CXXC4: variants seen among roughly 807,000 people sequenced by gnomAD.
The protein encoded by CXXC4 is CXXC finger protein 4.
In CXXC4, 5 loss-of-function variants were observed where a neutral mutation model predicts 20.5. That is an observed-to-expected ratio of 0.24 (90% confidence interval 0.13 to 0.51). CXXC4 has a LOEUF of 0.51. Among genes scored for constraint, CXXC4 ranks in the 20% least tolerant of loss-of-function variants. CXXC4 has a pLI of 0.97. For missense variants in CXXC4, 419 were observed against 496.4 expected (o/e 0.84, Z 1.48); for synonymous variants, 250 against 216.4 (o/e 1.16, Z -1.36).
Position 104,484,612 on chromosome 4 carries a change from C to G in CXXC4, c.1059+6132G>C, listed in dbSNP as rs536652261. ...AAATTCAGCAGGCTTGATTTCATAC[C>G]TAGCTATGGATTCTTACGCTCTTAA... On this transcript the variant is annotated intron_variant, in intron 2 of 2. Transcript: ENST00000394767. 1.6e-4 allele frequency among the ~76,000 whole-genome samples: 25 copies of G among 152,004 alleles called. No homozygotes were observed. In the South Asian group the frequency reaches 5.2e-3, roughly 32 times the overall value.
In CXXC4 at chr4:104,489,646, G is replaced by A. The variant is rs138750554; in HGVS notation, c.1059+1098C>T. ...TAAATTTTATCGAGACTAACTATAA[G>A]TACTTGTCCAGATTTCTTTGTTTAA... On this transcript the variant is annotated intron_variant, in intron 2 of 2. Transcript: ENST00000394767. Among the ~76,000 whole-genome samples, 14 of 152,164 alleles carry A rather than the reference G, an allele frequency of 9.2e-5. No individual in the cohort carries two copies. In the East Asian group the frequency reaches 2.7e-3, roughly 29 times the overall value.
At chr4:104,493,059 C>G (rs867957021) in intron 1 of CXXC4, among the ~76,000 whole-genome samples, 1 of 144,058 alleles carries the variant, frequency 6.9e-6, no homozygotes, top group Non-Finnish European at 1.5e-5. Flanking sequence ...GGGGGGGGGG[C>G]TTTAACGTGT....
rs187968180 is a variant in CXXC4 at position 104,476,391 on chromosome 4, C to T, written c.1060-4025G>A. Among the ~76,000 whole-genome samples, 26 of 152,238 alleles carry T rather than the reference C, an allele frequency of 1.7e-4. No individual in the cohort carries two copies. In the East Asian group the frequency reaches 2.1e-3, roughly 12 times the overall value. ...CATCTACATATTCTTGTTAGAAATA[C>T]GTCAAGTCTAATAAAACATCAGCTC... On this transcript the variant is annotated intron_variant, in intron 2 of 2. Coordinates refer to ENST00000394767, the MANE Select transcript of CXXC4 (RefSeq NM_025212.4).
At chr4:104,477,758 T>C (rs1405870223) in intron 2 of CXXC4, among the ~76,000 whole-genome samples, 1 of 152,032 alleles carries the variant, frequency 6.6e-6, no homozygotes, top group African/African-American at 2.4e-5. Context: ...AATATAAGTA[T>C]ATACTTGTTT....
intron 2 of CXXC4, among the ~76,000 whole-genome samples, chr4:104,481,983 T>C (rs1180422180): frequency 6.6e-6 from 1 of 152,216 alleles, no homozygotes; most frequent in Non-Finnish European, 1.5e-5. Context: ...TGTTGCTAGA[T>C]TAATGTTTTT....
At chr4:104,492,797 G>A (rs1736930547) in intron 1 of CXXC4, among the ~76,000 whole-genome samples, 1 of 152,104 alleles carries the variant, frequency 6.6e-6, no homozygotes, top group Admixed American at 6.5e-5. Context: ...GTGGGTCTTG[G>A]TGGGGGTAAG....
At chr4:104,487,994 TCTGA>T (rs1387190172) in intron 2 of CXXC4, among the ~76,000 whole-genome samples, 1 of 152,114 alleles carries the variant, frequency 6.6e-6, no homozygotes, top group Non-Finnish European at 1.5e-5. Flanking sequence ...TGAAAAAAAA[TCTGA>T]CTATGTCTCC....
chr4:104,476,095 T>A, intron 2 of CXXC4, among the ~76,000 whole-genome samples: 1 of 152,134 alleles, frequency 6.6e-6, no homozygotes, highest in East Asian at 1.9e-4. Context: ...ACATTAAAAC[T>A]AAGGGAATTT....
rs1736901996 is a variant in CXXC4 at position 104,492,070 on chromosome 4, G to GA, written c.-257-12dup. The GA allele has an allele frequency of 3.1e-6, 1 of 319,796 alleles. No individual in the cohort carries two copies. The highest frequency in any genetic ancestry group is 5.7e-6 in the Non-Finnish European group (1 of 175,588). The allele number at this position is 319,796 out of a possible 1,614,324, so 19.8% of individuals were successfully genotyped here. A position where few individuals can be genotyped will look rare whatever the true frequency, so the allele number is the denominator to read the frequency against. ...CTCCAACTGTTACAACTAAAATAAA[G>GA]AAAGTCATTCCAACGAGCTGCACGA... On this transcript the variant is annotated splice_polypyrimidine_tract_variant and intron_variant, in intron 1 of 2. Transcript: ENST00000394767.
intron 2 of CXXC4, among the ~76,000 whole-genome samples, chr4:104,475,898 T>G (rs1736390989): frequency 6.6e-6 from 1 of 152,142 alleles, no homozygotes; most frequent in Non-Finnish European, 1.5e-5. Context: ...CAGCCTTCAC[T>G]GTTCATGCAG....
At chr4:104,478,096 A>G (rs1736461509) in intron 2 of CXXC4, among the ~76,000 whole-genome samples, 1 of 152,152 alleles carries the variant, frequency 6.6e-6, no homozygotes, top group African/African-American at 2.4e-5. Context: ...CCAAATTGAC[A>G]TTTGTGACCA....
intron 1 of CXXC4, among the ~76,000 whole-genome samples, chr4:104,493,877 C>G (rs1736971609): frequency 1.3e-5 from 2 of 152,228 alleles, no homozygotes; most frequent in Admixed American, 1.3e-4. Context: ...GTTATGTCAA[C>G]CATGCATTAG....
chr4:104,476,375 A>G (rs183689832), intron 2 of CXXC4, among the ~76,000 whole-genome samples: 5 of 152,312 alleles, frequency 3.3e-5, no homozygotes, highest in Admixed American at 1.3e-4. Flanking sequence ...GCATCTACAT[A>G]TTCTTGTTAG....
At chr4:104,478,440 T>C (rs757611132) in intron 2 of CXXC4, among the ~76,000 whole-genome samples, 2 of 151,914 alleles carry the variant, frequency 1.3e-5, no homozygotes, top group Non-Finnish European at 2.9e-5. Context: ...GGAGGTAAAA[T>C]GACAGATTAA....
At chr4:104,481,814 T>C (rs1035697295) in intron 2 of CXXC4, among the ~76,000 whole-genome samples, 7 of 152,176 alleles carry the variant, frequency 4.6e-5, no homozygotes, top group African/African-American at 1.7e-4. Flanking sequence ...TGCTAATTAA[T>C]ACCATATATT....
Position 104,470,106 on chromosome 4 carries a change from C to T in CXXC4, c.*2216G>A, listed in dbSNP as rs1377505234. 1 of 149,252 alleles carries T rather than the reference C, an allele frequency of 6.7e-6. No homozygotes were observed. The highest frequency in any genetic ancestry group is 1.5e-5 in the Non-Finnish European group (1 of 67,518). The allele number at this position is 149,252 out of a possible 1,614,324, so 9.2% of individuals were successfully genotyped here. ...ATTCAAGTGTGAAAGTAAGTTTTCACTTACTTGTAATTAATTAGCAAATTG... is the reference window on the plus strand; with the variant it reads ...ATTCAAGTGTGAAAGTAAGTTTTCATTTACTTGTAATTAATTAGCAAATTG... On this transcript the variant is annotated 3_prime_UTR_variant, in exon 3 of 3. Transcript: ENST00000394767.
intron 2 of CXXC4, among the ~76,000 whole-genome samples, chr4:104,479,549 C>T (rs909273902): frequency 6.6e-6 from 1 of 152,060 alleles, no homozygotes; most frequent in Non-Finnish European, 1.5e-5. Flanking sequence ...ACTATCCAAC[C>T]ACTGGGAGAG....
rs1382627301 is a variant in CXXC4, at chr4:104,491,007, C to T, written c.796G>A (p.Ala266Thr). 1.2e-6 allele frequency: 2 copies of T among 1,614,030 alleles called. No homozygotes were observed. Among genetic ancestry groups the T allele is most frequent in the East Asian group, 2.2e-5 (1 of 44,808 alleles). Residue 266 changes from alanine (A) to threonine (T), a missense_variant, in exon 2 of 3, where the codon GCC becomes ACC. Transcript: ENST00000394767. ...ALHSPAAASAAVTDSAFQIAN... is the reference protein window; with the variant it reads ...ALHSPAAASATVTDSAFQIAN... ...ATTTGAAACGCACTGTCTGTGACGG[C>T]TGCTGAGGCTGCTGCGGGGGAGTGA...
At chr4:104,484,937 C>T (rs1208380326) in intron 2 of CXXC4, among the ~76,000 whole-genome samples, 1 of 151,908 alleles carries the variant, frequency 6.6e-6, no homozygotes, top group Non-Finnish European at 1.5e-5. Context: ...CACCCTTATG[C>T]CCCTCCCCCA....
Sources: allele counts gnomAD v4.1 joint callset (sites outside exome capture counted in the v4.1 genomes callset), GRCh38; gene constraint gnomAD v4.1.1; transcripts MANE v1.5; gene names NCBI Gene and HGNC (gene_info 2026-07-23, HGNC 2026-07-21).